PLAU: variants seen among roughly 807,000 people sequenced by gnomAD.
PLAU encodes the protein plasminogen activator, urokinase, also known as urokinase-type plasminogen activator.
PLAU carries 32 observed loss-of-function variants against 48.9 expected under a neutral mutation model. The ratio of observed to expected loss-of-function variants is 0.65; its 90% CI spans 0.49 to 0.88. The LOEUF is 0.88. Among genes scored for constraint, PLAU ranks in the 40% least tolerant of loss-of-function variants. The pLI is 0.00. For missense variants in PLAU, 455 were observed against 545.2 expected, an observed-to-expected ratio of 0.83 and a Z score of 1.65; for synonymous variants, 199 against 205.7, an observed-to-expected ratio of 0.97 and a Z score of 0.28.
intron 10 of PLAU, 132 bp from the exon 11 acceptor site, chr10:73,916,257 G>C: frequency 2.5e-6 from 2 of 808,044 alleles, no homozygotes; most frequent in South Asian, 1.7e-5. Context: ...CCGAAAAAAA[G>C]AAAGAAAATG....
chr10:73,915,806 A>G (rs2096135514), intron 10 of PLAU, among the ~76,000 whole-genome samples: 2 of 152,210 alleles, frequency 1.3e-5, no homozygotes, highest in African/African-American at 4.8e-5. Context: ...AAGGTGTTTC[A>G]GTTGAAAGAT....
intron 2 of PLAU, 194 bp from the exon 3 acceptor site, chr10:73,911,847 G>A (rs2096124951): frequency 6.4e-7 from 1 of 1,552,448 alleles, no homozygotes; most frequent in Non-Finnish European, 8.7e-7. Context: ...GCATCTGGTA[G>A]ATGAAGCTTG....
Position 73,911,627 on chromosome 10 carries a change from G to A in PLAU, c.57+15G>A, listed in dbSNP as rs1234042217. On this transcript the variant is annotated intron_variant, in intron 2 of 10. Coordinates refer to ENST00000372764, the MANE Select transcript of PLAU (RefSeq NM_002658.6). ...GCGACTCCAAAGTGAGTGCGCTCTT[G>A]CTTTGACTGATGCTGCCCAAGGACC... is the stretch of plus-strand genomic sequence containing the variant. 6.2e-7 allele frequency: 1 copy of A among 1,613,644 alleles called. No individual in the cohort carries two copies. The highest frequency in any genetic ancestry group is 1.7e-5 in the Admixed American group (1 of 59,962).
Position 73,912,966 on chromosome 10 carries a change from G to C in PLAU, c.236G>C (p.Arg79Pro), listed in dbSNP as rs201299522. ...TATGAGGGGAATGGTCACTTTTACC[G>C]AGGAAAGGCCAGCACTGACACCATG... The part of the protein sequence containing the change: ...TCYEGNGHFY[R>P]GKASTDTMGR... The change falls in exon 5 of 11, where the codon CGA becomes CCA. Residue 79 changes from arginine (R) to proline (P), a missense_variant. By Grantham distance (103) the Arg-to-Pro change is moderately radical. Coordinates refer to ENST00000372764, the MANE Select transcript of PLAU (RefSeq NM_002658.6). 2.1e-5 allele frequency: 34 copies of C among 1,613,824 alleles called. 1 individual carries two copies. The South Asian group carries it at 3.3e-4, about 16-fold the overall frequency.
rs534023443 is a variant in PLAU at position 73,916,870 on chromosome 10, T to C, written c.*305T>C. 6.3e-6 allele frequency: 2 copies of C among 316,892 alleles called. No homozygotes were observed. Among genetic ancestry groups the C allele is most frequent in the East Asian group, 1.2e-4 (2 of 16,954 alleles). 19.6% of individuals were successfully genotyped at this position (316,892 alleles called of 1,614,324 possible). ...GTTAAAAAGGGCAGGGCATCTCCTGTGCATGGGTGAAGGGAGAGCCAGCTC... is the reference window on the plus strand; with the variant it reads ...GTTAAAAAGGGCAGGGCATCTCCTGCGCATGGGTGAAGGGAGAGCCAGCTC... On this transcript the variant is annotated 3_prime_UTR_variant, in exon 11 of 11. Coordinates refer to ENST00000372764, the MANE Select transcript of PLAU (RefSeq NM_002658.6).
upstream of PLAU, among the ~76,000 whole-genome samples, chr10:73,909,017 C>G (rs2131709584): frequency 3.8e-4 from 57 of 150,512 alleles, no homozygotes; most frequent in African/African-American, 1.4e-3. Flanking sequence ...TCAGAGAGTG[C>G]TAAAGATTAG....
At chr10:73,916,063 A>G (rs957464873) in intron 10 of PLAU, among the ~76,000 whole-genome samples, 2 of 152,120 alleles carry the variant, frequency 1.3e-5, no homozygotes, top group Non-Finnish European at 2.9e-5. Context: ...AACATGGTGA[A>G]ACCCTGTGTC....
At chr10:73,912,428 A>C (rs1422066571) in intron 4 of PLAU, 106 bp downstream of exon 4, 1 of 785,286 alleles carries the variant, frequency 1.3e-6, no homozygotes, top group Non-Finnish European at 2.1e-6. Context: ...GGTGGGTGAC[A>C]TCTTCATCCC....
intron 1 of PLAU, 129 bp downstream of exon 1, chr10:73,911,347 C>T (rs2096123460): frequency 4.3e-6 from 3 of 698,468 alleles, no homozygotes; most frequent in Non-Finnish European, 7.3e-6. Context: ...GTCAAGGCGC[C>T]CCGTCCCGGG....
upstream of PLAU, chr10:73,910,890 GC>G: frequency 6.6e-6 from 1 of 152,550 alleles, no homozygotes; most frequent in Non-Finnish European, 1.5e-5. Flanking sequence ...ACTGGGGCAG[GC>G]CCCCGGCCAG....
chr10:73,912,394 G>C (rs888800813), intron 4 of PLAU, 72 bp downstream of exon 4: 1 of 1,140,200 alleles, frequency 8.8e-7, no homozygotes, highest in African/African-American at 1.5e-5. Flanking sequence ...GCAAGAGCAG[G>C]CAGGAGTTAG....
chr10:73,916,361 C>A, intron 10 of PLAU, 28 bp from the exon 11 acceptor site: 1 of 1,602,430 alleles, frequency 6.2e-7, no homozygotes, highest in South Asian at 1.1e-5. Context: ...TTCTCTAGGG[C>A]TCATCTTTTG....
intron 4 of PLAU, 124 bp from the exon 5 acceptor site, chr10:73,912,800 G>A: frequency 1.4e-6 from 1 of 703,782 alleles, no homozygotes; most frequent in Admixed American, 3.0e-5. Context: ...TCAGTGAGCT[G>A]AGATCACACC....
rs1405682162 is a variant in PLAU at position 73,915,264 on chromosome 10, T to C, written c.984T>C (p.Tyr328=). Residue 328 remains tyrosine (Y), a synonymous_variant, in exon 10 of 11, where the codon TAT becomes TAC. Transcript: ENST00000372764. ...FGKENSTDYL[Y]PEQLKMTVVK... ...TTCTCCACCTAGCCGACTATCTCTATCCGGAGCAGCTGAAAATGACTGTTG... is the reference window on the plus strand; with the variant it reads ...TTCTCCACCTAGCCGACTATCTCTACCCGGAGCAGCTGAAAATGACTGTTG... 1.2e-6 allele frequency: 2 copies of C among 1,613,460 alleles called. No individual in the cohort carries two copies. Among genetic ancestry groups the C allele is most frequent in the Non-Finnish European group, 1.7e-6 (2 of 1,179,764 alleles).
At position 73,916,489 on chromosome 10, in the gene PLAU, GCGTCTA is replaced by G. The variant is rs767812805; in HGVS notation, c.1222_1227del (p.Val408_Tyr409del). On this transcript the variant is annotated inframe_deletion, in exon 11 of 11. Transcript: ENST00000372764. ...GGATGTGCCCTGAAGGACAAGCCAG[GCGTCTA>G]CACGAGAGTCTCACACTTCTTACCC... is the stretch of plus-strand genomic sequence containing the variant. The G allele has an allele frequency of 6.2e-7, 1 of 1,613,988 alleles. No homozygotes were observed. The highest frequency in any genetic ancestry group is 1.7e-5 in the Admixed American group (1 of 60,004).
Position 73,912,076 on chromosome 10 carries a change from T to C in PLAU, c.85+8T>C. 1 of 1,606,226 alleles carries C rather than the reference T, an allele frequency of 6.2e-7. No homozygotes were observed. Among genetic ancestry groups the C allele is most frequent in the Non-Finnish European group, 8.5e-7 (1 of 1,175,220 alleles). On this transcript the variant is annotated splice_region_variant and intron_variant, in intron 3 of 10. Transcript: ENST00000372764. ...AACTTCATCAAGTTCCATGTGAGTA[T>C]CCACCCCTACAACAGTTGGCTGCAC...
rs1242578708 is a variant in PLAU at position 73,913,521 on chromosome 10, C to G, written c.461-18C>G. 1.2e-6 allele frequency: 2 copies of G among 1,600,578 alleles called. No individual in the cohort carries two copies. The highest frequency in any genetic ancestry group is 1.7e-6 in the Non-Finnish European group (2 of 1,169,076). On this transcript the variant is annotated intron_variant, in intron 6 of 10. Transcript: ENST00000372764. ...CTCCTACCTGCCTCCCTAAGACATC[C>G]CTCTGTTTGTCCTCCAGGAAAAAAG...
intron 1 of PLAU, 137 bp downstream of exon 1, chr10:73,911,355 G>A (rs2096123491): frequency 6.9e-6 from 5 of 725,786 alleles, no homozygotes; most frequent in South Asian, 3.4e-5. Context: ...GCCCCGTCCC[G>A]GGCGTCCCCC....
In PLAU at chr10:73,913,707, G is replaced by A. The variant is rs780523904; in HGVS notation, c.629G>A (p.Gly210Glu). The A allele has an allele frequency of 6.2e-7, 1 of 1,612,782 alleles. No homozygotes were observed. The highest frequency in any genetic ancestry group is 8.5e-7 in the Non-Finnish European group (1 of 1,179,414). Residue 210 changes from glycine (G) to glutamate (E), a missense_variant, in exon 7 of 11, where the codon GGA (glycine) becomes GAA (glutamate). Physicochemically the swap from Gly to Glu is moderately conservative, Grantham distance 98. Transcript: ENST00000372764. The part of the protein sequence containing the change: ...HRGGSVTYVC[G>E]GSLISPCWVI... The stretch of plus-strand genomic sequence containing the variant: ...GGGGGCTCTGTCACCTACGTGTGTG[G>A]AGGCAGCCTCATCAGCCCTTGCTGG...
Sources: allele counts gnomAD v4.1 joint callset (sites outside exome capture counted in the v4.1 genomes callset), GRCh38; gene constraint gnomAD v4.1.1; transcripts MANE v1.5; gene names NCBI Gene and HGNC (gene_info 2026-07-23, HGNC 2026-07-21).